Variants in ARHGEF28 observed in about 807,000 individuals in gnomAD.
The protein encoded by ARHGEF28 is Rho guanine nucleotide exchange factor 28, also known as 190 kDa guanine nucleotide exchange factor.
A neutral mutation model predicts 206.6 loss-of-function variants in ARHGEF28; 152 were observed. That is an observed-to-expected ratio of 0.74 (90% confidence interval 0.64 to 0.84). The LOEUF is 0.84. Ranked by LOEUF, ARHGEF28 falls within the 40% of genes least tolerant of loss-of-function variation. ARHGEF28 has a pLI of 0.00. For synonymous variants in ARHGEF28, 763 were observed against 776.4 expected (o/e 0.98, Z 0.29); for missense variants, 2,028 against 2,073.2 (o/e 0.98, Z 0.42).
intron 20 of ARHGEF28, among the ~76,000 whole-genome samples, chr5:73,868,824 G>A (rs965427810): frequency 2.0e-5 from 3 of 151,990 alleles, no homozygotes; most frequent in Non-Finnish European, 4.4e-5. Flanking sequence ...TTTTTGTATT[G>A]TTCGTAGAGA....
intron 1 of ARHGEF28, among the ~76,000 whole-genome samples, chr5:73,639,609 A>G (rs1743945240): frequency 6.6e-6 from 1 of 152,142 alleles, no homozygotes; most frequent in South Asian, 2.1e-4. Flanking sequence ...CAAGTATACA[A>G]TAGATAATTT....
At chr5:73,810,816 G>A (rs919334281) in intron 9 of ARHGEF28, among the ~76,000 whole-genome samples, 3 of 152,118 alleles carry the variant, frequency 2.0e-5, no homozygotes, top group South Asian at 2.1e-4. Context: ...TCTTCTGAAC[G>A]CTTTGTCACA....
chr5:73,634,648 G>C (rs1408652717), intron 1 of ARHGEF28, among the ~76,000 whole-genome samples: 1 of 152,180 alleles, frequency 6.6e-6, no homozygotes, highest in Non-Finnish European at 1.5e-5. Flanking sequence ...ATTATGGTTA[G>C]GAAATCTCAT....
chr5:73,759,476 A>G (rs1354422553), intron 4 of ARHGEF28, among the ~76,000 whole-genome samples: 7 of 152,166 alleles, frequency 4.6e-5, no homozygotes, highest in Non-Finnish European at 1.0e-4. Flanking sequence ...GTTCCTTTTG[A>G]AGGAGAATGT....
intron 2 of ARHGEF28, among the ~76,000 whole-genome samples, chr5:73,695,462 G>A (rs557666333): frequency 5.3e-5 from 8 of 152,172 alleles, no homozygotes; most frequent in Middle Eastern, 3.4e-3. Flanking sequence ...CCCAGGCCTC[G>A]TCTTCCATTT....
intron 30 of ARHGEF28, chr5:73,898,578 TTCTC>T (rs143334633): frequency 6.5e-6 from 1 of 153,150 alleles, no homozygotes; most frequent in Admixed American, 6.5e-5. Flanking sequence ...CCCTCTCTCT[TTCTC>T]TCTCTCTCAC....
intron 4 of ARHGEF28, among the ~76,000 whole-genome samples, chr5:73,759,592 CT>C (rs938750544): frequency 3.9e-5 from 6 of 152,134 alleles, no homozygotes; most frequent in African/African-American, 1.4e-4. Flanking sequence ...TCTAGCAGTT[CT>C]TTTTTTCCCC....
At chr5:73,722,145 A>C (rs1435379619) in intron 2 of ARHGEF28, among the ~76,000 whole-genome samples, 1 of 152,254 alleles carries the variant, frequency 6.6e-6, no homozygotes, top group East Asian at 1.9e-4. Flanking sequence ...TGCTATGCTA[A>C]ACTATTTAAT....
intron 21 of ARHGEF28, among the ~76,000 whole-genome samples, chr5:73,871,095 T>A (rs1210967132): frequency 6.6e-6 from 1 of 152,186 alleles, no homozygotes; most frequent in Non-Finnish European, 1.5e-5. Context: ...TTAGTATTTC[T>A]TAAGCAATTT....
chr5:73,750,944 A>T (rs546855530), intron 3 of ARHGEF28, among the ~76,000 whole-genome samples: 1 of 152,354 alleles, frequency 6.6e-6, no homozygotes, highest in South Asian at 2.1e-4. Flanking sequence ...GTGAACATGC[A>T]AACAACACAG....
chr5:73,727,961 A>G (rs184723934), intron 2 of ARHGEF28, among the ~76,000 whole-genome samples: 289 of 152,170 alleles, frequency 1.9e-3, no homozygotes, highest in Admixed American at 3.9e-3. Context: ...GCTGTCTGAA[A>G]TCTCTAGGTC....
At chr5:73,633,873 G>C (rs1371016703) in intron 1 of ARHGEF28, among the ~76,000 whole-genome samples, 2 of 151,958 alleles carry the variant, frequency 1.3e-5, no homozygotes, top group Non-Finnish European at 2.9e-5. Flanking sequence ...CACCATGCCT[G>C]GCCTAAAAGT....
intron 6 of ARHGEF28, among the ~76,000 whole-genome samples, chr5:73,780,063 A>T (rs1753749522): frequency 6.6e-6 from 1 of 152,150 alleles, no homozygotes; most frequent in Admixed American, 6.5e-5. Flanking sequence ...TCAATGCATA[A>T]TTCTGTGTTT....
intron 18 of ARHGEF28, among the ~76,000 whole-genome samples, chr5:73,866,220 A>G (rs903725143): frequency 6.6e-6 from 1 of 152,182 alleles, no homozygotes; most frequent in Non-Finnish European, 1.5e-5. Context: ...TGTTGTGTGT[A>G]CCATATGATC....
intron 4 of ARHGEF28, among the ~76,000 whole-genome samples, chr5:73,754,330 G>A (rs920293855): frequency 3.3e-5 from 5 of 152,100 alleles, no homozygotes; most frequent in South Asian, 2.1e-4. Context: ...ACTTAAAGAC[G>A]TCTCTTGTTT....
At chr5:73,777,251 T>C (rs1011193349) in intron 6 of ARHGEF28, among the ~76,000 whole-genome samples, 159 of 132,956 alleles carry the variant, frequency 1.2e-3, no homozygotes, top group African/African-American at 4.6e-3. Flanking sequence ...TTATCTCTCT[T>C]TTTTTTTTTG....
intron 2 of ARHGEF28, among the ~76,000 whole-genome samples, chr5:73,689,125 TTA>T (rs1580484767): frequency 6.6e-6 from 1 of 152,228 alleles, no homozygotes; most frequent in Admixed American, 6.5e-5. Context: ...TTACATTTTA[TTA>T]TGAGCACAAA....
intron 12 of ARHGEF28, among the ~76,000 whole-genome samples, chr5:73,847,214 G>T (rs770837665): frequency 6.6e-6 from 1 of 152,006 alleles, no homozygotes; most frequent in Admixed American, 6.6e-5. Context: ...TCTTTCTAAC[G>T]TATGGTTGTT....
chr5:73,848,317 G>A (rs1276306081), intron 12 of ARHGEF28, among the ~76,000 whole-genome samples: 1 of 152,060 alleles, frequency 6.6e-6, no homozygotes, highest in African/African-American at 2.4e-5. Context: ...GGGACAACAG[G>A]AACAAAACCG....
Sources: allele counts gnomAD v4.1 joint callset (sites outside exome capture counted in the v4.1 genomes callset), GRCh38; gene constraint gnomAD v4.1.1; transcripts MANE v1.5; gene names NCBI Gene and HGNC (gene_info 2026-07-23, HGNC 2026-07-21).